Variants in SRBD1 observed in about 807,000 individuals in gnomAD.
The protein encoded by SRBD1 is S1 RNA-binding domain-containing protein 1.
SRBD1 carries 88 observed loss-of-function variants against 115.3 expected under a neutral mutation model. The ratio of observed to expected loss-of-function variants is 0.76; its 90% CI spans 0.64 to 0.91. The LOEUF (loss-of-function observed/expected upper bound fraction) is 0.91. Ranked by LOEUF, SRBD1 falls within the 40% of genes least tolerant of loss-of-function variation. The pLI, the probability that SRBD1 is intolerant of heterozygous loss-of-function variation, is 0.00. For missense variants in SRBD1, 1,385 were observed against 1,177.4 expected (o/e 1.18, Z -2.58); for synonymous variants, 509 against 407.7 (o/e 1.25, Z -2.99).
At chr2:45,590,417 G>A (rs1335990363) in intron 4 of SRBD1, among the ~76,000 whole-genome samples, 1 of 152,170 alleles carries the variant, frequency 6.6e-6, no homozygotes, top group Admixed American at 6.5e-5. Context: ...TTATGGTTCA[G>A]GAGTTGATAT....
At chr2:45,414,536 TAC>T (rs200679705) in intron 18 of SRBD1, among the ~76,000 whole-genome samples, 58 of 145,238 alleles carry the variant, frequency 4.0e-4, no homozygotes, top group African/African-American at 1.1e-3. Flanking sequence ...ATAGTGTGTG[TAC>T]ACACATAGTG....
chr2:45,506,911 T>C (rs763866517), intron 14 of SRBD1, among the ~76,000 whole-genome samples: 12 of 152,224 alleles, frequency 7.9e-5, no homozygotes, highest in Non-Finnish European at 1.6e-4. Flanking sequence ...ATGATTTCCA[T>C]GTCTGCTGTC....
Position 45,512,989 on chromosome 2 carries a change from A to G in SRBD1, c.1875-24658T>C, listed in dbSNP as rs537389455. On this transcript the variant is annotated intron_variant, in intron 14 of 20. Coordinates refer to ENST00000263736, the MANE Select transcript of SRBD1 (RefSeq NM_018079.5). ...CAAGCACACAATAAACACACAAATTACCCCCAGAACACATGCCCCTCTGAC... is the reference window on the plus strand; with the variant it reads ...CAAGCACACAATAAACACACAAATTGCCCCCAGAACACATGCCCCTCTGAC... Among the ~76,000 whole-genome samples the G allele has an allele frequency of 1.3e-3, 192 of 152,212 alleles. 1 individual carries two copies. Among genetic ancestry groups the G allele is most frequent in the African/African-American group, 4.5e-3 (189 of 41,542 alleles).
At chr2:45,429,747 C>G (rs918240105) in intron 16 of SRBD1, among the ~76,000 whole-genome samples, 15 of 152,318 alleles carry the variant, frequency 9.8e-5, no homozygotes, top group Admixed American at 5.9e-4. Flanking sequence ...AGGATGCCCT[C>G]TCTCACCACT....
At chr2:45,583,254 G>C (rs1673421368) in intron 5 of SRBD1, among the ~76,000 whole-genome samples, 1 of 151,404 alleles carries the variant, frequency 6.6e-6, no homozygotes, top group South Asian at 2.1e-4. Flanking sequence ...AAATTAAAGA[G>C]AAGAATATAA....
intron 14 of SRBD1, among the ~76,000 whole-genome samples, chr2:45,490,713 A>G (rs1294540656): frequency 6.6e-6 from 1 of 152,102 alleles, no homozygotes; most frequent in Non-Finnish European, 1.5e-5. Context: ...GGGCTTTTGG[A>G]GGTTATAATT....
rs747595300 is a variant in SRBD1 at position 45,553,745 on chromosome 2, A to T, written c.1410-15T>A. 2.0e-6 allele frequency: 3 copies of T among 1,532,990 alleles called. No individual in the cohort carries two copies. In the African/African-American group the frequency reaches 4.2e-5, roughly 21 times the overall value. 95.0% of individuals were successfully genotyped at this position (1,532,990 alleles called of 1,614,324 possible). On this transcript the variant is annotated splice_polypyrimidine_tract_variant and intron_variant, in intron 10 of 20. Coordinates refer to ENST00000263736, the MANE Select transcript of SRBD1 (RefSeq NM_018079.5). Reference sequence around the variant, plus strand: ...GTGGTCTCCACCTGCAAAACAGAAAAGCCCACACTAAAACTGATGCAACAA... The same window carrying T: ...GTGGTCTCCACCTGCAAAACAGAAATGCCCACACTAAAACTGATGCAACAA...
At chr2:45,544,458 C>T (rs1168574369) in intron 14 of SRBD1, among the ~76,000 whole-genome samples, 6 of 152,252 alleles carry the variant, frequency 3.9e-5, no homozygotes, top group African/African-American at 1.4e-4. Context: ...TAATCAGAGG[C>T]AGTAGGTGGC....
intron 14 of SRBD1, among the ~76,000 whole-genome samples, chr2:45,543,919 A>G (rs968769057): frequency 6.6e-6 from 1 of 152,222 alleles, no homozygotes; most frequent in African/African-American, 2.4e-5. Flanking sequence ...AAAACAGACT[A>G]TAGGAGAAAG....
intron 6 of SRBD1, among the ~76,000 whole-genome samples, chr2:45,581,333 T>C (rs1673356771): frequency 6.6e-6 from 1 of 152,176 alleles, no homozygotes; most frequent in Admixed American, 6.5e-5. Flanking sequence ...AAACACTTCT[T>C]GAGTTCTTCC....
chr2:45,591,770 T>A (rs563183313), intron 4 of SRBD1, among the ~76,000 whole-genome samples: 1 of 152,280 alleles, frequency 6.6e-6, no homozygotes, highest in African/African-American at 2.4e-5. Context: ...AAGTGATAAA[T>A]TGGCAGCCAG....
At chr2:45,493,795 G>C (rs1670371477) in intron 14 of SRBD1, among the ~76,000 whole-genome samples, 2 of 143,884 alleles carry the variant, frequency 1.4e-5, no homozygotes, top group Admixed American at 7.0e-5. Flanking sequence ...TGGGCAACAA[G>C]AATGAAACTT....
chr2:45,476,001 T>G (rs1344036284), intron 16 of SRBD1, among the ~76,000 whole-genome samples: 1 of 152,210 alleles, frequency 6.6e-6, no homozygotes, highest in Admixed American at 6.5e-5. Flanking sequence ...ACCTAGCCAG[T>G]TGTACTCTTT....
At chr2:45,574,571 T>G in intron 8 of SRBD1, 56 bp downstream of exon 8, 1 of 1,514,554 alleles carries the variant, frequency 6.6e-7, no homozygotes, top group Admixed American at 1.9e-5. Context: ...ACTAACCGTG[T>G]GACCCTTAAC....
intron 19 of SRBD1, among the ~76,000 whole-genome samples, chr2:45,394,372 C>T (rs1272839563): frequency 6.6e-6 from 1 of 152,112 alleles, no homozygotes; most frequent in Non-Finnish European, 1.5e-5. Context: ...GGGTATTTTT[C>T]TACACCATTA....
intron 1 of SRBD1, among the ~76,000 whole-genome samples, chr2:45,609,293 C>G (rs1456745534): frequency 2.6e-5 from 4 of 152,074 alleles, no homozygotes; most frequent in African/African-American, 9.7e-5. Flanking sequence ...TTTCTTTCAT[C>G]TCACATATCC....
chr2:45,411,768 G>T, intron 19 of SRBD1, among the ~76,000 whole-genome samples: 1 of 152,186 alleles, frequency 6.6e-6, no homozygotes, highest in East Asian at 1.9e-4. Context: ...TAAGTATTTA[G>T]TGCAAAGTGT....
At chr2:45,531,163 G>A (rs1278433474) in intron 14 of SRBD1, among the ~76,000 whole-genome samples, 1 of 151,684 alleles carries the variant, frequency 6.6e-6, no homozygotes. Flanking sequence ...ACTACCAAAC[G>A]CCTCTGTGTC....
intron 14 of SRBD1, among the ~76,000 whole-genome samples, chr2:45,500,421 A>G (rs1255702196): frequency 6.7e-6 from 1 of 148,824 alleles, no homozygotes; most frequent in East Asian, 2.0e-4. Flanking sequence ...TATATAAACA[A>G]TATTGATTTT....
Sources: allele counts gnomAD v4.1 joint callset (sites outside exome capture counted in the v4.1 genomes callset), GRCh38; gene constraint gnomAD v4.1.1; transcripts MANE v1.5; gene names NCBI Gene and HGNC (gene_info 2026-07-23, HGNC 2026-07-21).